The following CNBD2 variants were observed in gnomAD, a reference collection of about 807,000 sequenced individuals.
CNBD2 encodes cyclic nucleotide-binding domain-containing protein 2.
A neutral mutation model predicts 63.7 loss-of-function variants in CNBD2; 64 were observed. That is an observed-to-expected ratio of 1.00 (90% confidence interval 0.82 to 1.24). The LOEUF is 1.24. Ranked by LOEUF, CNBD2 falls within the 50% of genes most tolerant of loss-of-function variation. The pLI, the probability that CNBD2 is intolerant of heterozygous loss-of-function variation, is 0.00. For synonymous variants in CNBD2, 229 were observed against 255.4 expected, an observed-to-expected ratio of 0.90 and a Z score of 0.99; for missense variants, 691 against 713.5, an observed-to-expected ratio of 0.97 and a Z score of 0.36.
intron 1 of CNBD2, among the ~76,000 whole-genome samples, chr20:35,972,368 C>T (rs1022170763): frequency 6.6e-6 from 1 of 152,212 alleles, no homozygotes; most frequent in African/African-American, 2.4e-5. Context: ...TGCATAACAA[C>T]TAGCTTCTGG....
intron 9 of CNBD2, among the ~76,000 whole-genome samples, chr20:36,008,922 C>T (rs947692141): frequency 8.5e-5 from 12 of 141,970 alleles, no homozygotes; most frequent in African/African-American, 3.8e-4. Flanking sequence ...TTTTAGAGGT[C>T]AAGGGACTTG....
upstream of CNBD2, among the ~76,000 whole-genome samples, chr20:35,966,158 GC>G (rs2056343432): frequency 6.6e-6 from 1 of 152,134 alleles, no homozygotes; most frequent in Admixed American, 6.6e-5. Context: ...GACTAGGTTT[GC>G]AGTGGGGGAG....
chr20:36,028,225 A>T (rs1239269987), intron 11 of CNBD2, among the ~76,000 whole-genome samples: 1 of 152,190 alleles, frequency 6.6e-6, no homozygotes, highest in Non-Finnish European at 1.5e-5. Flanking sequence ...TTGAATGGAA[A>T]TTCATAAAAG....
At chr20:36,003,117 A>G (rs2056938195) in intron 8 of CNBD2, among the ~76,000 whole-genome samples, 1 of 151,644 alleles carries the variant, frequency 6.6e-6, no homozygotes, top group African/African-American at 2.4e-5. Flanking sequence ...TTTAGTTTTT[A>G]TATCTCAAAG....
downstream of CNBD2, among the ~76,000 whole-genome samples, chr20:35,958,640 T>TTGTG (rs141670470): frequency 1.8e-4 from 27 of 149,548 alleles, no homozygotes; most frequent in Non-Finnish European, 3.1e-4. Flanking sequence ...ATACATGCAT[T>TTGTG]TGTGTGTGTG....
intron 2 of CNBD2, among the ~76,000 whole-genome samples, chr20:35,960,867 C>T (rs992096329): frequency 6.7e-6 from 1 of 148,890 alleles, no homozygotes; most frequent in Non-Finnish European, 1.5e-5. Flanking sequence ...CCTTCTCTTC[C>T]TTTCCTCTCC....
chr20:35,980,963 C>G (rs923853478), intron 4 of CNBD2, among the ~76,000 whole-genome samples: 6 of 152,150 alleles, frequency 3.9e-5, no homozygotes, highest in African/African-American at 1.4e-4. Flanking sequence ...AGAAACAGCG[C>G]TGAAGCTCTT....
intron 6 of CNBD2, 91 bp downstream of exon 6, chr20:35,984,869 G>C: frequency 7.5e-7 from 1 of 1,337,434 alleles, no homozygotes; most frequent in Non-Finnish European, 1.1e-6. Flanking sequence ...GAAACATACT[G>C]GTTGCTGTTC....
intron 6 of CNBD2, among the ~76,000 whole-genome samples, chr20:35,986,342 C>T (rs1435844267): frequency 6.6e-6 from 1 of 151,284 alleles, no homozygotes; most frequent in Admixed American, 6.6e-5. Context: ...TTTTTTTTTC[C>T]ATACTGTGGA....
chr20:36,009,122 A>G (rs955413081), intron 9 of CNBD2, among the ~76,000 whole-genome samples: 6 of 152,112 alleles, frequency 3.9e-5, no homozygotes, highest in Non-Finnish European at 2.9e-5. Flanking sequence ...GCTTGAGCCT[A>G]GGAAGTTGAG....
At chr20:35,961,881 C>G (rs1042113774) in intron 2 of CNBD2, among the ~76,000 whole-genome samples, 1 of 152,268 alleles carries the variant, frequency 6.6e-6, no homozygotes, top group East Asian at 1.9e-4. Context: ...TGTGTGTTTC[C>G]CTGGTCACCC....
Position 36,029,981 on chromosome 20 carries a change from C to T in CNBD2, c.1440-376C>T, listed in dbSNP as rs576884816. Among the ~76,000 whole-genome samples, 13 of 152,240 alleles carry T rather than the reference C, an allele frequency of 8.5e-5. No homozygotes were observed. In the South Asian group the frequency reaches 2.1e-3, roughly 24 times the overall value. On this transcript the variant is annotated intron_variant, in intron 11 of 11. Coordinates refer to ENST00000373973, the MANE Select transcript of CNBD2 (RefSeq NM_001365709.1). ...CCTGTGCTGGACATCTCACGTAAAC[C>T]GAATCATGTAATATGTATATACCAC...
downstream of CNBD2, among the ~76,000 whole-genome samples, chr20:35,957,432 C>T (rs1054285201): frequency 1.3e-5 from 2 of 151,650 alleles, no homozygotes; most frequent in Non-Finnish European, 2.9e-5. Flanking sequence ...ACTAAAAATA[C>T]AAAAAATTAG....
At chr20:35,989,796 C>T (rs2056717805) in intron 7 of CNBD2, among the ~76,000 whole-genome samples, 1 of 148,218 alleles carries the variant, frequency 6.7e-6, no homozygotes, top group African/African-American at 2.5e-5. Context: ...CATTTGAGCC[C>T]AGGAGTTTGA....
intron 5 of CNBD2, among the ~76,000 whole-genome samples, 167 bp downstream of exon 5, chr20:35,984,305 A>G (rs565261768): frequency 6.6e-6 from 1 of 152,240 alleles, no homozygotes; most frequent in Non-Finnish European, 1.5e-5. Flanking sequence ...GACTAAGATC[A>G]GCCTCTTCAT....
Position 35,984,036 on chromosome 20 carries a change from T to C in CNBD2, c.462T>C (p.Tyr154=), listed in dbSNP as rs1280785773. 1 of 1,614,242 alleles carries C rather than the reference T, an allele frequency of 6.2e-7. No homozygotes were observed. Among genetic ancestry groups the C allele is most frequent in the South Asian group, 1.1e-5 (1 of 91,092 alleles). ...IKKGQKGNSF[Y]FIYLGTVAIT... is the part of the protein sequence containing the mutation. ...AGGGGCAGAAGGGCAACAGCTTTTA[T>C]TTCATCTACCTGGGCACAGTTGCAA... The change falls in exon 5 of 12, where the codon TAT becomes TAC. Residue 154 remains tyrosine, a synonymous_variant. Transcript: ENST00000373973.
intron 2 of CNBD2, among the ~76,000 whole-genome samples, chr20:35,962,328 G>C (rs1034363982): frequency 6.8e-6 from 1 of 147,124 alleles, no homozygotes; most frequent in Admixed American, 7.0e-5. Context: ...GCACGATCTC[G>C]GCTCACTGCA....
At position 35,988,048 on chromosome 20, in the gene CNBD2, T is replaced by G. The variant is rs1194727678; in HGVS notation, c.855+515T>G. Among the ~76,000 whole-genome samples the G allele has an allele frequency of 3.3e-5, 5 of 151,980 alleles. No homozygotes were observed. In the East Asian group the frequency reaches 9.7e-4, roughly 30 times the overall value. On this transcript the variant is annotated intron_variant, in intron 7 of 11. Transcript: ENST00000373973. ...CCATGCCCGGCTAATTTTTGTACTT[T>G]TAGTAGAGACGGGGTTTCACCATGT...
In CNBD2 at chr20:36,023,689, A is replaced by G; in HGVS notation, c.1357A>G (p.Arg453Gly). 1 of 1,613,986 alleles carries G rather than the reference A, an allele frequency of 6.2e-7. No homozygotes were observed. The highest frequency in any genetic ancestry group is 8.5e-7 in the Non-Finnish European group (1 of 1,179,934). Residue 453 changes from arginine to glycine, a missense_variant, in exon 11 of 12, where the codon AGG (arginine) becomes GGG (glycine). Transcript: ENST00000373973. ...MSLGNELIRI[R>G]KEIFYELIDN... Reference sequence around the variant, plus strand: ...CCTGGGAAATGAGTTGATACGGATAAGGAAGGAAATATTTTATGAACTGAT... The same window carrying G: ...CCTGGGAAATGAGTTGATACGGATAGGGAAGGAAATATTTTATGAACTGAT...
Sources: allele counts gnomAD v4.1 joint callset (sites outside exome capture counted in the v4.1 genomes callset), GRCh38; gene constraint gnomAD v4.1.1; transcripts MANE v1.5; gene names NCBI Gene and HGNC (gene_info 2026-07-23, HGNC 2026-07-21).